The following ERBB4 variants were observed in gnomAD, a reference collection of about 807,000 sequenced individuals.
ERBB4 encodes the protein erb-b2 receptor tyrosine kinase 4.
Under a neutral mutation model 158.0 loss-of-function variants are expected in ERBB4, and 42 were observed. The ratio of observed to expected loss-of-function variants is 0.27; its 90% CI spans 0.21 to 0.34. The LOEUF (loss-of-function observed/expected upper bound fraction) is 0.34, where lower values mean the gene tolerates loss of function less well. Among genes scored for constraint, ERBB4 ranks in the 10% least tolerant of loss-of-function variants. ERBB4 has a pLI of 1.00. For missense variants in ERBB4, 1,333 were observed against 1,624.1 expected (o/e 0.82, Z 3.08); for synonymous variants, 583 against 558.7 (o/e 1.04, Z -0.61).
At chr2:211,487,905 G>A (rs192560889) in intron 20 of ERBB4, among the ~76,000 whole-genome samples, 1 of 152,170 alleles carries the variant, frequency 6.6e-6, no homozygotes, top group Admixed American at 6.5e-5. Context: ...TGAACTGTCA[G>A]CATTATTGTT....
intron 3 of ERBB4, among the ~76,000 whole-genome samples, chr2:211,811,628 C>T (rs2076759140): frequency 6.6e-6 from 1 of 152,172 alleles, no homozygotes; most frequent in Non-Finnish European, 1.5e-5. Flanking sequence ...TGGTTCCATT[C>T]TCCCCATCAC....
intron 14 of ERBB4, among the ~76,000 whole-genome samples, chr2:211,672,960 C>T (rs969994296): frequency 3.3e-5 from 5 of 152,076 alleles, no homozygotes; most frequent in African/African-American, 1.2e-4. Flanking sequence ...TATATTTTAT[C>T]TGGAGAATAA....
intron 1 of ERBB4, among the ~76,000 whole-genome samples, chr2:212,446,401 A>G (rs2092348600): frequency 6.7e-6 from 1 of 150,256 alleles, no homozygotes; most frequent in African/African-American, 2.5e-5. Context: ...TGAAAAGGAG[A>G]GACTGGCCTA....
intron 1 of ERBB4, among the ~76,000 whole-genome samples, chr2:212,165,308 A>AT (rs1347602762): frequency 3.4e-5 from 5 of 148,222 alleles, no homozygotes; most frequent in Non-Finnish European, 7.6e-5. Context: ...AATTTTTTGC[A>AT]TTAATATATA....
At chr2:211,854,745 T>G (rs1294811167) in intron 3 of ERBB4, among the ~76,000 whole-genome samples, 1 of 152,146 alleles carries the variant, frequency 6.6e-6, no homozygotes, top group Non-Finnish European at 1.5e-5. Context: ...CTGATTGAAA[T>G]TTAGGTTGTT....
At chr2:211,590,792 T>A (rs2068437471) in intron 19 of ERBB4, among the ~76,000 whole-genome samples, 1 of 152,182 alleles carries the variant, frequency 6.6e-6, no homozygotes, top group Non-Finnish European at 1.5e-5. Context: ...AGGCAGCAAG[T>A]AAGGCGAACC....
chr2:211,418,421 C>A (rs13030304), intron 25 of ERBB4, among the ~76,000 whole-genome samples: 25,277 of 152,042 alleles, frequency 0.17, 2,570 homozygotes, highest in Non-Finnish European at 0.22. Flanking sequence ...ATCACCATTT[C>A]TTTTCCAAGG....
chr2:212,327,380 C>T (rs7562363), intron 1 of ERBB4, among the ~76,000 whole-genome samples: 27,853 of 151,812 alleles, frequency 0.18, 2,733 homozygotes, highest in South Asian at 0.26. Context: ...AGAACTTCAA[C>T]AGACGCAATC....
At chr2:211,748,747 T>A (rs1200546038) in intron 5 of ERBB4, among the ~76,000 whole-genome samples, 1 of 152,240 alleles carries the variant, frequency 6.6e-6, no homozygotes, top group African/African-American at 2.4e-5. Flanking sequence ...AACTCATTTT[T>A]AATTTGATAC....
At chr2:211,780,166 A>C (rs959458453) in intron 4 of ERBB4, among the ~76,000 whole-genome samples, 7 of 152,100 alleles carry the variant, frequency 4.6e-5, no homozygotes, top group Admixed American at 4.6e-4. Context: ...GTTGGAGTCT[A>C]GCCTGGGTAA....
At chr2:212,528,797 C>T (rs1308771284) in intron 1 of ERBB4, among the ~76,000 whole-genome samples, 1 of 152,078 alleles carries the variant, frequency 6.6e-6, no homozygotes, top group African/African-American at 2.4e-5. Context: ...AGTGAATCAT[C>T]TAAAAGAGCA....
At chr2:212,317,482 C>A (rs1321776784) in intron 1 of ERBB4, among the ~76,000 whole-genome samples, 3 of 151,554 alleles carry the variant, frequency 2.0e-5, no homozygotes, top group East Asian at 2.0e-4. Flanking sequence ...AAGTGAGTAC[C>A]CACAATCAGC....
At chr2:211,686,262 G>A (rs2072559292) in intron 12 of ERBB4, among the ~76,000 whole-genome samples, 3 of 152,092 alleles carry the variant, frequency 2.0e-5, no homozygotes, top group Admixed American at 2.0e-4. Context: ...TCTTCATGAA[G>A]GGGAGAAACT....
chr2:212,239,294 CAGCA>C (rs2083996797), intron 1 of ERBB4, among the ~76,000 whole-genome samples: 1 of 152,196 alleles, frequency 6.6e-6, no homozygotes, highest in East Asian at 1.9e-4. Flanking sequence ...CCTCCTGTCT[CAGCA>C]TCCTGAGTAG....
At chr2:212,451,773 A>G (rs991571711) in intron 1 of ERBB4, among the ~76,000 whole-genome samples, 1 of 152,218 alleles carries the variant, frequency 6.6e-6, no homozygotes, top group African/African-American at 2.4e-5. Context: ...ATAGCCGAAC[A>G]TCAACCATGT....
At chr2:212,455,644 T>C (rs931496249) in intron 1 of ERBB4, among the ~76,000 whole-genome samples, 1 of 152,172 alleles carries the variant, frequency 6.6e-6, no homozygotes, top group Non-Finnish European at 1.5e-5. Context: ...TGAATAAAAC[T>C]TACTCTTACT....
chr2:212,314,207 A>T (rs770373838), intron 1 of ERBB4, among the ~76,000 whole-genome samples: 3 of 151,194 alleles, frequency 2.0e-5, no homozygotes, highest in South Asian at 2.1e-4. Flanking sequence ...TTTTAAAAGC[A>T]TTGAATTGAA....
intron 1 of ERBB4, among the ~76,000 whole-genome samples, chr2:212,269,079 T>C (rs958280295): frequency 6.6e-6 from 1 of 151,816 alleles, no homozygotes; most frequent in Admixed American, 6.6e-5. Context: ...TGATGTGCAA[T>C]GGAAAATAAA....
At chr2:211,629,627 C>T (rs1252634197) in intron 17 of ERBB4, among the ~76,000 whole-genome samples, 16 of 152,252 alleles carry the variant, frequency 1.1e-4, no homozygotes, top group African/African-American at 2.4e-4. Context: ...GGAGGCATCA[C>T]GCTACCTGAC....
Sources: gnomAD v4.1 joint callset for allele counts (sites outside exome capture counted in the v4.1 genomes callset) on GRCh38, gnomAD v4.1.1 for gene constraint, MANE v1.5 for transcripts, NCBI Gene and HGNC (gene_info 2026-07-23, HGNC 2026-07-21) for gene names.